The following FAM178B variants were observed in gnomAD, a reference collection of about 807,000 sequenced individuals.
FAM178B encodes the protein protein FAM178B.
FAM178B carries 82 observed loss-of-function variants against 91.7 expected under a neutral mutation model. That is an observed-to-expected ratio of 0.89 (90% CI 0.75 to 1.07). FAM178B has a LOEUF of 1.07. FAM178B is among the 50% of genes least tolerant of loss of function. The pLI, the probability that FAM178B is intolerant of heterozygous loss-of-function variation, is 0.00. For missense variants in FAM178B, 769 were observed against 846.7 expected (o/e 0.91, Z 1.14); for synonymous variants, 368 against 359.4 (o/e 1.02, Z -0.27).
In FAM178B at chr2:96,951,394, G is replaced by A; in HGVS notation, c.978C>T (p.Leu326=). Residue 326 remains leucine, a synonymous_variant, in exon 7 of 17, where the codon CTC becomes CTT. Transcript: ENST00000490605. ...LHMPDCPVSL[L]QWLFQLLTWP... is the part of the protein sequence containing the mutation. ...CGGTCCTCACCTGGAACAGCCACTG[G>A]AGCAGGGATACCGGGCAGTCAGGCA... The A allele has an allele frequency of 1.3e-6, 2 of 1,551,230 alleles. No homozygotes were observed. The highest frequency in any genetic ancestry group is 1.7e-6 in the Non-Finnish European group (2 of 1,146,650).
intron 7 of FAM178B, chr2:96,950,085 T>A (rs566765038): frequency 3.9e-5 from 38 of 985,466 alleles, no homozygotes; most frequent in Non-Finnish European, 4.2e-5. Flanking sequence ...CCTCCCAGGA[T>A]GGGGGTCTCT....
At chr2:96,976,893 T>A (rs1029305639) in intron 1 of FAM178B, among the ~76,000 whole-genome samples, 1 of 150,698 alleles carries the variant, frequency 6.6e-6, no homozygotes, top group African/African-American at 2.4e-5. Context: ...CATAAAACCT[T>A]CTAGAGAAAC....
intron 8 of FAM178B, among the ~76,000 whole-genome samples, chr2:96,938,218 C>A (rs1171983601): frequency 6.6e-6 from 1 of 152,174 alleles, no homozygotes; most frequent in Non-Finnish European, 1.5e-5. Flanking sequence ...AGCATCTCAG[C>A]CCCAGCTCCA....
intron 14 of FAM178B, among the ~76,000 whole-genome samples, chr2:96,883,385 G>A (rs2080437257): frequency 6.6e-6 from 1 of 152,224 alleles, no homozygotes; most frequent in Non-Finnish European, 1.5e-5. Context: ...AAGGGGGGCA[G>A]GAAAGGAGGA....
intron 1 of FAM178B, among the ~76,000 whole-genome samples, chr2:96,979,879 T>C (rs1018261659): frequency 7.2e-5 from 11 of 152,240 alleles, no homozygotes; most frequent in Non-Finnish European, 1.6e-4. Flanking sequence ...AGAATGTACC[T>C]ACATATCATA....
intron 13 of FAM178B, among the ~76,000 whole-genome samples, chr2:96,900,094 C>G (rs1259955756): frequency 2.0e-5 from 3 of 152,114 alleles, no homozygotes; most frequent in South Asian, 2.1e-4. Flanking sequence ...AAATGCCAAG[C>G]CTTGAACTGG....
At chr2:96,959,640 G>C (rs1298750644) in intron 6 of FAM178B, among the ~76,000 whole-genome samples, 1 of 152,162 alleles carries the variant, frequency 6.6e-6, no homozygotes, top group Non-Finnish European at 1.5e-5. Context: ...TGAGCACCCA[G>C]CAGACGCCGC....
chr2:96,968,112 T>C (rs2082170327), intron 4 of FAM178B, among the ~76,000 whole-genome samples: 1 of 151,616 alleles, frequency 6.6e-6, no homozygotes, highest in Non-Finnish European at 1.5e-5. Context: ...CACCAAGGCC[T>C]AGGGCTAGCC....
chr2:96,969,098 A>G (rs1470752050), intron 4 of FAM178B, among the ~76,000 whole-genome samples: 1 of 152,224 alleles, frequency 6.6e-6, no homozygotes, highest in Non-Finnish European at 1.5e-5. Context: ...CCACGGCAAC[A>G]TGACAGTGTG....
chr2:96,948,263 C>G (rs936540564), intron 7 of FAM178B, among the ~76,000 whole-genome samples: 2 of 152,218 alleles, frequency 1.3e-5, no homozygotes, highest in African/African-American at 4.8e-5. Context: ...CAGGGCCCAG[C>G]GTAAGGGGAG....
At chr2:96,967,413 T>G in intron 5 of FAM178B, 107 bp downstream of exon 5, 1 of 647,652 alleles carries the variant, frequency 1.5e-6, no homozygotes, top group Admixed American at 2.6e-5. Context: ...TCACAAATAG[T>G]ACACAAATCA....
chr2:96,916,163 T>G (rs1186806189), intron 12 of FAM178B, among the ~76,000 whole-genome samples: 1 of 152,206 alleles, frequency 6.6e-6, no homozygotes, highest in Non-Finnish European at 1.5e-5. Context: ...TCTAGCTTTT[T>G]GAAGGGTGTG....
At chr2:96,907,131 T>G (rs1559065516) in intron 12 of FAM178B, among the ~76,000 whole-genome samples, 1 of 152,064 alleles carries the variant, frequency 6.6e-6, no homozygotes, top group Non-Finnish European at 1.5e-5. Flanking sequence ...GAAACCCACA[T>G]GTGAGTGGCG....
intron 12 of FAM178B, among the ~76,000 whole-genome samples, chr2:96,909,252 T>A (rs1466079312): frequency 6.6e-6 from 1 of 152,004 alleles, no homozygotes; most frequent in African/African-American, 2.4e-5. Context: ...CCCCAATAAG[T>A]GTTCACTTCA....
chr2:96,973,045 T>C (rs557037403), intron 1 of FAM178B, among the ~76,000 whole-genome samples: 1 of 150,500 alleles, frequency 6.6e-6, no homozygotes, highest in South Asian at 2.1e-4. Flanking sequence ...TCTAGTAAAA[T>C]AAAAATAAAA....
chr2:96,891,524 G>A (rs13383845), intron 14 of FAM178B, among the ~76,000 whole-genome samples: 38,097 of 152,112 alleles, frequency 0.25, 5,982 homozygotes, highest in South Asian at 0.66. Flanking sequence ...GGATTCATTC[G>A]TTCACCTAGT....
intron 12 of FAM178B, among the ~76,000 whole-genome samples, chr2:96,908,134 C>A (rs2081089417): frequency 6.6e-6 from 1 of 152,226 alleles, no homozygotes; most frequent in Non-Finnish European, 1.5e-5. Context: ...AGCTGGTTGT[C>A]CCTCCCGGGG....
intron 6 of FAM178B, chr2:96,951,717 T>C (rs999438951): frequency 1.7e-5 from 8 of 484,416 alleles, no homozygotes; most frequent in Admixed American, 1.0e-4. Flanking sequence ...ACACACCTCA[T>C]GGTGTTTAAA....
intron 1 of FAM178B, among the ~76,000 whole-genome samples, chr2:96,980,067 G>C (rs952932543): frequency 2.0e-5 from 3 of 152,058 alleles, no homozygotes; most frequent in African/African-American, 7.2e-5. Flanking sequence ...GTGTTTCTTT[G>C]TGGGGTTTTT....
Sources: allele counts gnomAD v4.1 joint callset (sites outside exome capture counted in the v4.1 genomes callset), GRCh38; gene constraint gnomAD v4.1.1; transcripts MANE v1.5; gene names NCBI Gene and HGNC (gene_info 2026-07-23, HGNC 2026-07-21).